Variants in SLC24A4 observed in about 807,000 individuals in gnomAD.
SLC24A4 encodes the protein solute carrier family 24 member 4, also known as sodium/potassium/calcium exchanger 4.
Under a neutral mutation model 79.0 loss-of-function variants are expected in SLC24A4, and 53 were observed. That is an observed-to-expected ratio of 0.67 (90% confidence interval 0.54 to 0.84). The LOEUF is 0.84. SLC24A4 is among the 40% of genes least tolerant of loss of function. The pLI, the probability that SLC24A4 is intolerant of heterozygous loss-of-function variation, is 0.00. For missense variants in SLC24A4, 731 were observed against 822.0 expected (o/e 0.89, Z 1.35); for synonymous variants, 323 against 323.8 (o/e 1.00, Z 0.03).
chr14:92,432,782 C>T (rs563319450), intron 2 of SLC24A4, among the ~76,000 whole-genome samples: 3 of 152,210 alleles, frequency 2.0e-5, no homozygotes, highest in South Asian at 2.1e-4. Context: ...TCTGAAAAAT[C>T]AGAAAAATTT....
At chr14:92,431,224 T>C (rs1891852176) in intron 2 of SLC24A4, among the ~76,000 whole-genome samples, 1 of 152,236 alleles carries the variant, frequency 6.6e-6, no homozygotes, top group Non-Finnish European at 1.5e-5. Context: ...TGTAAGTTAA[T>C]GATGCTGAGT....
At chr14:92,367,741 C>G (rs907792226) in intron 2 of SLC24A4, among the ~76,000 whole-genome samples, 3 of 152,230 alleles carry the variant, frequency 2.0e-5, no homozygotes, top group African/African-American at 4.8e-5. Context: ...ACTCCAAACC[C>G]TCAGTCACTG....
intron 2 of SLC24A4, among the ~76,000 whole-genome samples, chr14:92,364,987 A>G (rs1887744457): frequency 6.6e-6 from 1 of 152,156 alleles, no homozygotes; most frequent in Non-Finnish European, 1.5e-5. Context: ...TCCACTGCCC[A>G]GGACTTCTCC....
At chr14:92,393,470 C>T (rs1358945924) in intron 2 of SLC24A4, among the ~76,000 whole-genome samples, 1 of 151,064 alleles carries the variant, frequency 6.6e-6, no homozygotes, top group Non-Finnish European at 1.5e-5. Flanking sequence ...GAGTGGATGG[C>T]GGCCGCCTGA....
At chr14:92,357,198 C>T (rs1334562468) in intron 2 of SLC24A4, among the ~76,000 whole-genome samples, 2 of 152,204 alleles carry the variant, frequency 1.3e-5, no homozygotes. Context: ...TCATCTGTGG[C>T]CGACTGGCAC....
intron 2 of SLC24A4, among the ~76,000 whole-genome samples, chr14:92,423,977 A>G (rs1891431590): frequency 6.6e-6 from 1 of 152,158 alleles, no homozygotes; most frequent in Non-Finnish European, 1.5e-5. Flanking sequence ...TTCCTCCTGG[A>G]GTCTCTGAGA....
chr14:92,342,892 T>A (rs1270723172), intron 2 of SLC24A4, among the ~76,000 whole-genome samples: 3 of 152,150 alleles, frequency 2.0e-5, no homozygotes, highest in Admixed American at 2.0e-4. Context: ...TAAAAATCTG[T>A]CATAAAGAGT....
chr14:92,474,588 G>A (rs113295285), intron 12 of SLC24A4, among the ~76,000 whole-genome samples: 2,253 of 151,268 alleles, frequency 0.015, 67 homozygotes, highest in African/African-American at 0.051. Flanking sequence ...GGATTCAAGC[G>A]ATTCTCCTGC....
intron 2 of SLC24A4, among the ~76,000 whole-genome samples, chr14:92,373,403 C>T (rs891947420): frequency 3.9e-5 from 6 of 152,090 alleles, no homozygotes; most frequent in African/African-American, 1.4e-4. Flanking sequence ...TTGGCCAGGT[C>T]CAGCCCAAGT....
intron 16 of SLC24A4, 57 bp from the exon 17 acceptor site, chr14:92,493,419 A>G: frequency 6.3e-7 from 1 of 1,598,144 alleles, no homozygotes; most frequent in Non-Finnish European, 8.5e-7. Flanking sequence ...TTCCAGTAGA[A>G]ATGCCTCTTG....
chr14:92,392,416 C>T (rs1023095340), intron 2 of SLC24A4, among the ~76,000 whole-genome samples: 1 of 152,002 alleles, frequency 6.6e-6, no homozygotes, highest in Non-Finnish European at 1.5e-5. Context: ...CTACCTGTCA[C>T]TTGCCTCGTG....
intron 2 of SLC24A4, among the ~76,000 whole-genome samples, chr14:92,410,555 G>T (rs1890652363): frequency 6.6e-6 from 1 of 152,136 alleles, no homozygotes; most frequent in African/African-American, 2.4e-5. Context: ...CATAGTTTTG[G>T]TATCATTGAT....
chr14:92,460,628 C>A (rs1893745372), intron 12 of SLC24A4, among the ~76,000 whole-genome samples: 2 of 152,192 alleles, frequency 1.3e-5, no homozygotes, highest in African/African-American at 4.8e-5. Flanking sequence ...AGGGCCCAGG[C>A]TCTGTTCTGG....
intron 12 of SLC24A4, among the ~76,000 whole-genome samples, chr14:92,459,833 C>T (rs78327007): frequency 0.043 from 6,528 of 152,198 alleles, 211 homozygotes; most frequent in African/African-American, 0.089. Flanking sequence ...AGTGAGACTC[C>T]GCCCCCGACA....
At chr14:92,421,500 C>G in intron 2 of SLC24A4, among the ~76,000 whole-genome samples, 1 of 151,508 alleles carries the variant, frequency 6.6e-6, no homozygotes, top group East Asian at 1.9e-4. Flanking sequence ...TTTCATACAC[C>G]ACGATTTTTT....
intron 4 of SLC24A4, among the ~76,000 whole-genome samples, chr14:92,440,424 C>T (rs920687334): frequency 3.3e-5 from 5 of 152,092 alleles, no homozygotes; most frequent in African/African-American, 1.2e-4. Context: ...GCAGCGATGG[C>T]GGTTATTAAG....
chr14:92,439,044 G>A (rs1192880833), intron 3 of SLC24A4, among the ~76,000 whole-genome samples: 1 of 152,182 alleles, frequency 6.6e-6, no homozygotes, highest in Non-Finnish European at 1.5e-5. Context: ...AGAAACCAAG[G>A]GCAGAGACCA....
At chr14:92,484,287 C>A in intron 13 of SLC24A4, 1 of 985,386 alleles carries the variant, frequency 1.0e-6, no homozygotes, top group Non-Finnish European at 1.2e-6. Flanking sequence ...CAGATGCTTC[C>A]TCAGGCTGAT....
chr14:92,401,570 G>T (rs1890112425), intron 2 of SLC24A4, among the ~76,000 whole-genome samples: 2 of 152,082 alleles, frequency 1.3e-5, no homozygotes, highest in African/African-American at 4.8e-5. Flanking sequence ...GTTCACAAAG[G>T]GCCCCTCTTT....
Sources: gnomAD v4.1 joint callset for allele counts (sites outside exome capture counted in the v4.1 genomes callset) on GRCh38, gnomAD v4.1.1 for gene constraint, MANE v1.5 for transcripts, NCBI Gene and HGNC (gene_info 2026-07-23, HGNC 2026-07-21) for gene names.